DYNC2H1: variants seen among roughly 807,000 people sequenced by gnomAD.
DYNC2H1 encodes the protein dynein cytoplasmic 2 heavy chain 1, also known as cytoplasmic dynein 2 heavy chain 1.
In DYNC2H1, 410 loss-of-function variants were observed where a neutral mutation model predicts 570.0. The ratio of observed to expected loss-of-function variants is 0.72; its 90% CI spans 0.66 to 0.78. The LOEUF (loss-of-function observed/expected upper bound fraction) is 0.78, where lower values mean the gene tolerates loss of function less well. Ranked by LOEUF, DYNC2H1 falls within the 30% of genes least tolerant of loss-of-function variation. DYNC2H1 has a pLI of 0.00. For synonymous variants in DYNC2H1, 1,688 were observed against 1,677.6 expected (o/e 1.01, Z -0.15); for missense variants, 4,865 against 5,046.4 (o/e 0.96, Z 1.09).
chr11:103,203,901 A>C lies in DYNC2H1; in HGVS notation c.8311+125A>C, dbSNP rs888449556. On this transcript the variant is annotated intron_variant, in intron 51 of 88. Transcript: ENST00000375735. The surrounding 1 kb of genome is among the most constrained non-coding windows in gnomAD (Gnocchi z 4.7). ...AAATCTTTTTTCTGGAGCTTTTAGA[A>C]AGTAACACCTAACTAGTGGATAGGC... 2.3e-5 allele frequency: 15 copies of C among 660,828 alleles called. No individual in the cohort carries two copies. In the African/African-American group the frequency reaches 2.4e-4, roughly 11 times the overall value. The allele number at this position is 660,828 out of a possible 1,614,324, so 40.9% of individuals were successfully genotyped here.
intron 83 of DYNC2H1, among the ~76,000 whole-genome samples, chr11:103,366,237 G>A (rs1940902758): frequency 6.6e-6 from 1 of 152,142 alleles, no homozygotes; most frequent in Non-Finnish European, 1.5e-5. Flanking sequence ...AGTATGTCAG[G>A]CATTTACAAT....
chr11:103,265,963 G>A (rs1442691398), intron 70 of DYNC2H1, among the ~76,000 whole-genome samples: 1 of 151,746 alleles, frequency 6.6e-6, no homozygotes, highest in Non-Finnish European at 1.5e-5. Flanking sequence ...CCATTTCCTG[G>A]ACTGTGTGCC....
chr11:103,165,890 T>C lies in DYNC2H1; in HGVS notation c.4612-8T>C. On this transcript the variant is annotated splice_region_variant and splice_polypyrimidine_tract_variant and intron_variant, in intron 30 of 88. Coordinates refer to ENST00000375735, the MANE Select transcript of DYNC2H1 (RefSeq NM_001377.3). ...CTTTTAAAAATAATTTTTCTCTTTATTCAATAGATTTTATGCTTGGCGGAG... is the reference window on the plus strand; with the variant it reads ...CTTTTAAAAATAATTTTTCTCTTTACTCAATAGATTTTATGCTTGGCGGAG... 1 of 1,453,038 alleles carries C rather than the reference T, an allele frequency of 6.9e-7. No homozygotes were observed. Among genetic ancestry groups the C allele is most frequent in the Non-Finnish European group, 9.1e-7 (1 of 1,103,868 alleles). The allele number at this position is 1,453,038 out of a possible 1,614,324, so 90.0% of individuals were successfully genotyped here. A position where few individuals can be genotyped will look rare whatever the true frequency, so the allele number is the denominator to read the frequency against.
chr11:103,291,369 G>A (rs575511908), intron 75 of DYNC2H1, among the ~76,000 whole-genome samples: 4 of 152,218 alleles, frequency 2.6e-5, no homozygotes, highest in East Asian at 1.9e-4. Flanking sequence ...CCCACAAGGC[G>A]AAGGGTTGCT....
chr11:103,373,306 C>A (rs893530675), intron 83 of DYNC2H1, among the ~76,000 whole-genome samples: 4 of 151,970 alleles, frequency 2.6e-5, no homozygotes, highest in Admixed American at 2.0e-4. Context: ...TTTCTGCTAT[C>A]AGTGTGTTGG....
rs574575394 is a variant in DYNC2H1, at chr11:103,422,280, C to T, written c.12367-13663C>T. Among the ~76,000 whole-genome samples, 66 of 152,230 alleles carry T rather than the reference C, an allele frequency of 4.3e-4. 1 individual carries two copies. The South Asian group carries it at 0.013, about 31-fold the overall frequency. ...CAGAGGTACAAAGAAGAGCTGGTACCGTTTCTACTGCAACTATTCCAAAAA... is the reference window on the plus strand; with the variant it reads ...CAGAGGTACAAAGAAGAGCTGGTACTGTTTCTACTGCAACTATTCCAAAAA... On this transcript the variant is annotated intron_variant, in intron 84 of 88. Coordinates refer to ENST00000375735, the MANE Select transcript of DYNC2H1 (RefSeq NM_001377.3).
intron 62 of DYNC2H1, among the ~76,000 whole-genome samples, 172 bp from the exon 63 acceptor site, chr11:103,236,258 T>C (rs895354591): frequency 4.6e-5 from 7 of 152,010 alleles, no homozygotes; most frequent in Non-Finnish European, 8.8e-5. Context: ...TTTGCACTTT[T>C]TGTTTTTGTT....
At chr11:103,178,111 T>A (rs1283888410) in intron 38 of DYNC2H1, among the ~76,000 whole-genome samples, 1 of 152,174 alleles carries the variant, frequency 6.6e-6, no homozygotes, top group African/African-American at 2.4e-5. Flanking sequence ...TGAGTTGATA[T>A]TATACTGCCT....
intron 18 of DYNC2H1, among the ~76,000 whole-genome samples, chr11:103,144,809 G>T (rs1366096343): frequency 6.6e-6 from 1 of 151,994 alleles, no homozygotes; most frequent in Non-Finnish European, 1.5e-5. Context: ...ATATACGGTG[G>T]GATAAAGAGA....
In DYNC2H1 at chr11:103,201,509, A is replaced by G. The variant is rs577427729; in HGVS notation, c.8197+1355A>G. Among the ~76,000 whole-genome samples the G allele has an allele frequency of 1.3e-5, 2 of 152,276 alleles. No homozygotes were observed. The highest frequency in any genetic ancestry group is 2.4e-5 in the African/African-American group (1 of 41,568). ...ATAATTAAAAACAACAACAACAACA[A>G]CAACTAAAAACGAATTCTTTGCTAC... is the stretch of plus-strand genomic sequence containing the variant. On this transcript the variant is annotated intron_variant, in intron 50 of 88. Transcript: ENST00000375735. This position sits in a 1 kb window ranked among gnomAD's most constrained non-coding sequence, Gnocchi z 4.8.
chr11:103,286,956 T>C (rs1212308657), intron 74 of DYNC2H1, among the ~76,000 whole-genome samples: 2 of 151,976 alleles, frequency 1.3e-5, no homozygotes, highest in African/African-American at 4.8e-5. Context: ...AAAAGGAAAA[T>C]GACTAAGAAA....
At chr11:103,303,072 T>A (rs1334192656) in intron 75 of DYNC2H1, 21 bp from the exon 76 acceptor site, 1 of 1,411,898 alleles carries the variant, frequency 7.1e-7, no homozygotes, top group Non-Finnish European at 9.3e-7. Context: ...TTATTTTTAA[T>A]TTTTAAAATA....
At chr11:103,159,849 CTTG>C (rs956751310) in intron 28 of DYNC2H1, among the ~76,000 whole-genome samples, 12 of 152,082 alleles carry the variant, frequency 7.9e-5, no homozygotes, top group Admixed American at 7.9e-4. Flanking sequence ...TGGCTCACTA[CTTG>C]TTGTTTTTAA....
rs76023510 is a variant in DYNC2H1 at position 103,241,842 on chromosome 11, G to T, written c.9820-1851G>T. On this transcript the variant is annotated intron_variant, in intron 63 of 88. Transcript: ENST00000375735. The surrounding 1 kb of genome is among the most constrained non-coding windows in gnomAD (Gnocchi z 5.1). ...TACTGTGGGTGCAAGTGAAAACAAG[G>T]TACCTTGTCTGTGGACCATTTTAAA... 2.4e-4 allele frequency among the ~76,000 whole-genome samples: 36 copies of T among 151,882 alleles called. No homozygotes were observed. In the East Asian group the frequency reaches 6.0e-3, roughly 25 times the overall value.
At chr11:103,464,247 A>C (rs1945120160) in intron 87 of DYNC2H1, among the ~76,000 whole-genome samples, 2 of 152,226 alleles carry the variant, frequency 1.3e-5, no homozygotes, top group South Asian at 4.1e-4. Flanking sequence ...ATACAGTTAT[A>C]GTTGAAAGTA....
In DYNC2H1 at chr11:103,303,082, A is replaced by G; in HGVS notation, c.11096-11A>G. 1.4e-6 allele frequency: 2 copies of G among 1,437,166 alleles called. No homozygotes were observed. Among genetic ancestry groups the G allele is most frequent in the South Asian group, 1.7e-5 (1 of 60,562 alleles). 89.0% of individuals were successfully genotyped at this position (1,437,166 alleles called of 1,614,324 possible). A position where few individuals can be genotyped will look rare whatever the true frequency, so the allele number is the denominator to read the frequency against. Reference sequence around the variant, plus strand: ...TGCTTTTATTTTTAATTTTTAAAATATATATTTTAGGACTGAAAGAGGTGT... The same window carrying G: ...TGCTTTTATTTTTAATTTTTAAAATGTATATTTTAGGACTGAAAGAGGTGT... On this transcript the variant is annotated splice_polypyrimidine_tract_variant and intron_variant, in intron 75 of 88. Transcript: ENST00000375735.
chr11:103,419,153 G>C (rs928867091), intron 84 of DYNC2H1, among the ~76,000 whole-genome samples: 1 of 152,176 alleles, frequency 6.6e-6, no homozygotes. Context: ...CAAGTTTCTT[G>C]GGGTAGGGGT....
Position 103,257,611 on chromosome 11 carries a change from C to A in DYNC2H1, c.10465C>A (p.Arg3489=). The change falls in exon 69 of 89, where the codon CGG becomes AGG. Residue 3489 remains arginine (R), a synonymous_variant. Coordinates refer to ENST00000375735, the MANE Select transcript of DYNC2H1 (RefSeq NM_001377.3). ...CTACTGATCTCTTGATCCATAGGAA[C>A]GGGATGCCTATCTCCCCCTGGCTGA... ...YKLQISLDQE[R]DAYLPLAESA... is the part of the protein sequence containing the mutation. 1 of 1,609,480 alleles carries A rather than the reference C, an allele frequency of 6.2e-7. No homozygotes were observed. Among genetic ancestry groups the A allele is most frequent in the Non-Finnish European group, 8.5e-7 (1 of 1,177,308 alleles).
intron 82 of DYNC2H1, among the ~76,000 whole-genome samples, chr11:103,340,632 G>A (rs1939397598): frequency 6.6e-6 from 1 of 152,180 alleles, no homozygotes; most frequent in Non-Finnish European, 1.5e-5. Flanking sequence ...TTGATTAAAA[G>A]ACTAAGTAGA....
Sources: gnomAD v4.1 joint callset for allele counts (sites outside exome capture counted in the v4.1 genomes callset) on GRCh38, gnomAD v4.1.1 for gene constraint, Gnocchi (gnomAD v3.1) non-coding constraint, MANE v1.5 for transcripts, NCBI Gene and HGNC (gene_info 2026-07-23, HGNC 2026-07-21) for gene names.